The following KIRREL3 variants were observed in gnomAD, a reference collection of about 807,000 sequenced individuals.
KIRREL3 encodes kin of IRRE-like protein 3.
Under a neutral mutation model 89.7 loss-of-function variants are expected in KIRREL3, and 36 were observed. That is an observed-to-expected ratio of 0.40 (90% CI 0.31 to 0.53). The LOEUF is 0.53. KIRREL3 is among the 20% of genes least tolerant of loss of function. The probability of loss-of-function intolerance (pLI) is 0.49; values close to 1 mark genes in which losing one functional copy is unlikely to be tolerated. For missense variants in KIRREL3, 864 were observed against 1,056.6 expected (o/e 0.82, Z 2.53); for synonymous variants, 445 against 441.4 (o/e 1.01, Z -0.10).
Position 126,892,458 on chromosome 11 carries a change from C to CT in KIRREL3, c.55+107996dup, listed in dbSNP as rs375179345. Among the ~76,000 whole-genome samples, 679 of 151,982 alleles carry CT rather than the reference C, an allele frequency of 4.5e-3. 2 individuals are homozygous for CT. Among genetic ancestry groups the CT allele is most frequent in the African/African-American group, 0.014 (587 of 41,434 alleles). ...GCCCTGGGAGAGGCACAAGTGGCAG[C>CT]TTTTTTTTCTTGAAAAATCAGCTAT... On this transcript the variant is annotated intron_variant, in intron 1 of 16. Coordinates refer to ENST00000525144, the MANE Select transcript of KIRREL3 (RefSeq NM_032531.4). The surrounding 1 kb of genome is among the most constrained non-coding windows in gnomAD (Gnocchi z 5.4).
In KIRREL3 at chr11:126,685,146, C is replaced by T. The variant is rs568641703; in HGVS notation, c.56-122234G>A. Among the ~76,000 whole-genome samples, 94 of 152,280 alleles carry T rather than the reference C, an allele frequency of 6.2e-4. No homozygotes were observed. The highest frequency in any genetic ancestry group is 2.1e-3 in the African/African-American group (89 of 41,556). On this transcript the variant is annotated intron_variant, in intron 1 of 16. Coordinates refer to ENST00000525144, the MANE Select transcript of KIRREL3 (RefSeq NM_032531.4). The surrounding 1 kb of genome is among the most constrained non-coding windows in gnomAD (Gnocchi z 5.5). ...CATGGCCAAGTGTGCAAGGGGACCT[C>T]GAAGAAGCCCAGTGTGACAAGGATT...
chr11:126,480,859 C>T (rs564628783), intron 4 of KIRREL3, among the ~76,000 whole-genome samples: 74 of 152,336 alleles, frequency 4.9e-4, no homozygotes, highest in Admixed American at 1.7e-3. Context: ...TTGCCCGGTT[C>T]TCTGGTTCTG....
rs1958576055 is a variant in KIRREL3, at chr11:126,521,246, A to G, written c.433+69T>C. 2 of 1,431,376 alleles carry G rather than the reference A, an allele frequency of 1.4e-6. No individual in the cohort carries two copies. Among genetic ancestry groups the G allele is most frequent in the Non-Finnish European group, 1.8e-6 (2 of 1,084,936 alleles). 88.7% of individuals were successfully genotyped at this position (1,431,376 alleles called of 1,614,324 possible). On this transcript the variant is annotated intron_variant, in intron 4 of 16. Transcript: ENST00000525144. This position sits in a 1 kb window ranked among gnomAD's most constrained non-coding sequence, Gnocchi z 4.1. The stretch of plus-strand genomic sequence containing the variant: ...AGTCTCCCCATGTCTGACCAAAAAA[A>G]TACCCTCTTGGAGCTGAGCCCTTGG...
At chr11:126,889,641 C>G (rs78006827) in intron 1 of KIRREL3, among the ~76,000 whole-genome samples, 4,491 of 152,262 alleles carry the variant, frequency 0.029, 227 homozygotes, top group African/African-American at 0.1. Flanking sequence ...CTTCTATGCA[C>G]AGCTTCGGGA....
Position 126,459,330 on chromosome 11 carries a change from G to C in KIRREL3, c.743-2876C>G, listed in dbSNP as rs1241669168. Among the ~76,000 whole-genome samples the C allele has an allele frequency of 6.6e-6, 1 of 152,054 alleles. No homozygotes were observed. The highest frequency in any genetic ancestry group is 1.5e-5 in the Non-Finnish European group (1 of 68,012). On this transcript the variant is annotated intron_variant, in intron 6 of 16. Transcript: ENST00000525144. This position sits in a 1 kb window ranked among gnomAD's most constrained non-coding sequence, Gnocchi z 4.8. Reference sequence around the variant, plus strand: ...TTCCTGCTGCCCGATGCCTCATCACGCCCCTGCCATGATCAGCTCACTCGT... The same window carrying C: ...TTCCTGCTGCCCGATGCCTCATCACCCCCCTGCCATGATCAGCTCACTCGT...
chr11:126,526,606 G>A lies in KIRREL3; in HGVS notation c.215C>T (p.Pro72Leu). 1 of 1,609,354 alleles carries A rather than the reference G, an allele frequency of 6.2e-7. No homozygotes were observed. The highest frequency in any genetic ancestry group is 8.5e-7 in the Non-Finnish European group (1 of 1,178,034). Residue 72 changes from proline to leucine, a missense_variant, in exon 3 of 17, where the codon CCC (proline) becomes CTC (leucine). Transcript: ENST00000525144. The surrounding 1 kb of genome is among the most constrained non-coding windows in gnomAD (Gnocchi z 5.7). ...CCACAGAACGAAGCCATCGTATTCG[G>A]GGATGGCGCAAAGTAGCGTCACTGG... Reference protein sequence around the residue: ...GQPVTLLCAIPEYDGFVLWIK... With the variant: ...GQPVTLLCAILEYDGFVLWIK...
intron 1 of KIRREL3, among the ~76,000 whole-genome samples, chr11:126,810,936 G>T (rs1344219433): frequency 6.6e-6 from 1 of 152,098 alleles, no homozygotes; most frequent in Non-Finnish European, 1.5e-5. Context: ...GACAGCTGTG[G>T]GTGTGTGTGT....
rs1429363236 is a variant in KIRREL3 at position 126,564,326 on chromosome 11, A to G, written c.56-1414T>C. Among the ~76,000 whole-genome samples, 1 of 152,206 alleles carries G rather than the reference A, an allele frequency of 6.6e-6. No individual in the cohort carries two copies. Among genetic ancestry groups the G allele is most frequent in the African/African-American group, 2.4e-5 (1 of 41,454 alleles). On this transcript the variant is annotated intron_variant, in intron 1 of 16. Coordinates refer to ENST00000525144, the MANE Select transcript of KIRREL3 (RefSeq NM_032531.4). This position sits in a 1 kb window ranked among gnomAD's most constrained non-coding sequence, Gnocchi z 7.4. ...AGGTCCACCCACCAAGCATAGCAGG[A>G]TGAAAGAGAGTGCAGGGCCCATGAG... is the stretch of plus-strand genomic sequence containing the variant.
rs1947674983 is a variant in KIRREL3, at chr11:126,709,549, A to C, written c.56-146637T>G. ...ATATTTGGAGATAGGGTCTTTAAAA[A>C]GGTGATTAAGTTAAAATGAGGTCAT... is the stretch of plus-strand genomic sequence containing the variant. On this transcript the variant is annotated intron_variant, in intron 1 of 16. Coordinates refer to ENST00000525144, the MANE Select transcript of KIRREL3 (RefSeq NM_032531.4). The surrounding 1 kb of genome is among the most constrained non-coding windows in gnomAD (Gnocchi z 4.0). Among the ~76,000 whole-genome samples, 1 of 152,188 alleles carries C rather than the reference A, an allele frequency of 6.6e-6. No individual in the cohort carries two copies.
rs989682270 is a variant in KIRREL3, at chr11:126,954,043, C to T, written c.55+46412G>A. Among the ~76,000 whole-genome samples, 3 of 151,940 alleles carry T rather than the reference C, an allele frequency of 2.0e-5. No individual in the cohort carries two copies. The highest frequency in any genetic ancestry group is 1.9e-4 in the East Asian group (1 of 5,174). ...GTGCACAGGGGTGTGTGTGCACATG[C>T]GTGTGCATGTGTACATGCGGGGTCT... On this transcript the variant is annotated intron_variant, in intron 1 of 16. Coordinates refer to ENST00000525144, the MANE Select transcript of KIRREL3 (RefSeq NM_032531.4). The surrounding 1 kb of genome is among the most constrained non-coding windows in gnomAD (Gnocchi z 4.1).
At chr11:126,944,491 C>G (rs887549665) in intron 1 of KIRREL3, 1 of 152,340 alleles carries the variant, frequency 6.6e-6, no homozygotes, top group Non-Finnish European at 1.5e-5. Context: ...ACCAAATGCT[C>G]TTGGAGGGCA....
chr11:126,522,508 G>A lies in KIRREL3; in HGVS notation c.284-1044C>T, dbSNP rs969555107. On this transcript the variant is annotated intron_variant, in intron 3 of 16. Transcript: ENST00000525144. The surrounding 1 kb of genome is among the most constrained non-coding windows in gnomAD (Gnocchi z 6.0). ...GACGCACTTATGAAGTGCTCAGGACGCTTAAGAATTGGGGGCCCCTTGTAC... is the reference window on the plus strand; with the variant it reads ...GACGCACTTATGAAGTGCTCAGGACACTTAAGAATTGGGGGCCCCTTGTAC... 6.6e-6 allele frequency among the ~76,000 whole-genome samples: 1 copy of A among 152,168 alleles called. No individual in the cohort carries two copies. Among genetic ancestry groups the A allele is most frequent in the Non-Finnish European group, 1.5e-5 (1 of 68,024 alleles).
Position 126,445,100 on chromosome 11 carries a change from C to A in KIRREL3, c.1131G>T (p.Leu377=). ...VWMKRGSGVV[L]SNEKTLTLKS... ...TGAGGGTCAGGGTCTTCTCATTGCTCAGGACCTAGGAGAATTGGCAGGCTC... is the reference window on the plus strand; with the variant it reads ...TGAGGGTCAGGGTCTTCTCATTGCTAAGGACCTAGGAGAATTGGCAGGCTC... The change falls in exon 10 of 17, where the codon CTG becomes CTT. Residue 377 remains leucine (L), a synonymous_variant. Transcript: ENST00000525144. 6.2e-7 allele frequency: 1 copy of A among 1,613,948 alleles called. No homozygotes were observed.
At position 126,782,977 on chromosome 11, in the gene KIRREL3, A is replaced by G. The variant is rs1354765911; in HGVS notation, c.55+217478T>C. Among the ~76,000 whole-genome samples, 2 of 152,220 alleles carry G rather than the reference A, an allele frequency of 1.3e-5. No individual in the cohort carries two copies. The highest frequency in any genetic ancestry group is 2.9e-5 in the Non-Finnish European group (2 of 68,038). ...CAATTCTAGCACAGGATCAGGAAAT[A>G]CACAAGATGAACTGGAGCATCTTGT... On this transcript the variant is annotated intron_variant, in intron 1 of 16. Transcript: ENST00000525144. This position sits in a 1 kb window ranked among gnomAD's most constrained non-coding sequence, Gnocchi z 4.1.
Position 126,764,871 on chromosome 11 carries a change from C to A in KIRREL3, c.56-201959G>T, listed in dbSNP as rs766747196. Among the ~76,000 whole-genome samples the A allele has an allele frequency of 1.3e-5, 2 of 152,182 alleles. No homozygotes were observed. The highest frequency in any genetic ancestry group is 2.9e-5 in the Non-Finnish European group (2 of 68,032). ...GCCTTTGGCAGGAGTCCTCTACTCT[C>A]GGCCTGGATCCTCTTCAATGAACCA... On this transcript the variant is annotated intron_variant, in intron 1 of 16. Transcript: ENST00000525144. This position sits in a 1 kb window ranked among gnomAD's most constrained non-coding sequence, Gnocchi z 4.2.
At chr11:126,702,488 G>C (rs572162386) in intron 1 of KIRREL3, among the ~76,000 whole-genome samples, 2 of 152,326 alleles carry the variant, frequency 1.3e-5, no homozygotes, top group African/African-American at 4.8e-5. Flanking sequence ...CTGAGAGGCT[G>C]ACGTCAGGGA....
At chr11:126,855,388 C>A (rs1455598780) in intron 1 of KIRREL3, among the ~76,000 whole-genome samples, 1 of 152,168 alleles carries the variant, frequency 6.6e-6, no homozygotes, top group African/African-American at 2.4e-5. Context: ...CCTACTTTCC[C>A]TTTGCCTTCT....
Position 126,715,720 on chromosome 11 carries a change from G to A in KIRREL3, c.56-152808C>T, listed in dbSNP as rs1748406773. On this transcript the variant is annotated intron_variant, in intron 1 of 16. Transcript: ENST00000525144. The surrounding 1 kb of genome is among the most constrained non-coding windows in gnomAD (Gnocchi z 4.4). ...GAAGGGCAGGCAAAAGGAGGAAAGA[G>A]AATGCGGGGGAGGCAAACATCAGAG... Among the ~76,000 whole-genome samples the A allele has an allele frequency of 6.6e-6, 1 of 152,220 alleles. No individual in the cohort carries two copies. Among genetic ancestry groups the A allele is most frequent in the South Asian group, 2.1e-4 (1 of 4,826 alleles).
Position 126,715,280 on chromosome 11 carries a change from C to A in KIRREL3, c.56-152368G>T, listed in dbSNP as rs1223249953. Among the ~76,000 whole-genome samples the A allele has an allele frequency of 6.6e-6, 1 of 152,206 alleles. No homozygotes were observed. Among genetic ancestry groups the A allele is most frequent in the Non-Finnish European group, 1.5e-5 (1 of 68,028 alleles). On this transcript the variant is annotated intron_variant, in intron 1 of 16. Coordinates refer to ENST00000525144, the MANE Select transcript of KIRREL3 (RefSeq NM_032531.4). The surrounding 1 kb of genome is among the most constrained non-coding windows in gnomAD (Gnocchi z 4.4). ...TTTGTGGGGGAAGAAAACTATTCAG[C>A]ATTTTCAGGTTCCTTCCTTTCAGAT...
Sources: allele counts gnomAD v4.1 joint callset (sites outside exome capture counted in the v4.1 genomes callset), GRCh38; gene constraint gnomAD v4.1.1; non-coding constraint Gnocchi (gnomAD v3.1); transcripts MANE v1.5; gene names NCBI Gene and HGNC (gene_info 2026-07-23, HGNC 2026-07-21).